ZNF222: variants seen among roughly 807,000 people sequenced by gnomAD.
ZNF222 encodes zinc finger protein 222.
A neutral mutation model predicts 11.6 loss-of-function variants in ZNF222; 8 were observed. The observed-to-expected ratio is 0.69, with a 90% CI of 0.41 to 1.25. The LOEUF is 1.25. ZNF222 is among the 50% of genes most tolerant of loss of function. ZNF222 has a pLI of 0.01. For missense variants in ZNF222, 483 were observed against 576.1 expected (o/e 0.84, Z 1.65); for synonymous variants, 171 against 195.6 (o/e 0.87, Z 1.05).
chr19:44,027,922 C>T (rs1407115559), intron 3 of ZNF222, among the ~76,000 whole-genome samples: 2 of 152,160 alleles, frequency 1.3e-5, no homozygotes, highest in Non-Finnish European at 1.5e-5. Flanking sequence ...TGACATAAAA[C>T]TCAGCAGACT....
At chr19:44,028,267 T>G (rs1328503758) in intron 3 of ZNF222, 5 of 398,756 alleles carry the variant, frequency 1.3e-5, no homozygotes, top group Non-Finnish European at 2.2e-5. Flanking sequence ...CACTTTCTGC[T>G]TAGCTGGCTA....
Position 44,032,208 on chromosome 19 carries a change from T to C in ZNF222, c.654T>C (p.Cys218=). ...MGVKCYKCDV[C]GKEFSQSSRL... is the part of the protein sequence containing the mutation. ...TGAAATGCTATAAGTGTGATGTGTG[T>C]GGTAAGGAATTTAGTCAGAGCTCAC... The change falls in exon 4 of 4, where the codon TGT becomes TGC. Residue 218 remains cysteine (C), a synonymous_variant. Coordinates refer to ENST00000391960, the MANE Select transcript of ZNF222 (RefSeq NM_001129996.2). The C allele has an allele frequency of 6.2e-7, 1 of 1,614,180 alleles. No individual in the cohort carries two copies.
chr19:44,028,339 G>A (rs952941753), intron 3 of ZNF222: 9 of 398,166 alleles, frequency 2.3e-5, no homozygotes, highest in African/African-American at 8.2e-5. Context: ...GTGTTCATAG[G>A]TTCTGAGGAC....
intron 3 of ZNF222, among the ~76,000 whole-genome samples, chr19:44,029,057 G>T (rs536963374): frequency 6.6e-6 from 1 of 152,018 alleles, no homozygotes; most frequent in Non-Finnish European, 1.5e-5. Flanking sequence ...TTCAAGTTTT[G>T]CTTTGTGGAA....
chr19:44,026,610 C>T (rs1806110341), intron 1 of ZNF222, among the ~76,000 whole-genome samples: 1 of 148,864 alleles, frequency 6.7e-6, no homozygotes, highest in Non-Finnish European at 1.5e-5. Flanking sequence ...TGCAGTGGTG[C>T]AATCTTGGCT....
At position 44,032,552 on chromosome 19, in the gene ZNF222, G is replaced by A; in HGVS notation, c.998G>A (p.Gly333Asp). Residue 333 changes from glycine to aspartate, a missense_variant, in exon 4 of 4, where the codon GGT (glycine) becomes GAT (aspartate). By Grantham distance (94) the Gly-to-Asp change is moderately conservative (BLOSUM62 -1). Coordinates refer to ENST00000391960, the MANE Select transcript of ZNF222 (RefSeq NM_001129996.2). ...TACAAATCTGAAAAGTATGGAAGAG[G>A]TTTCATTGATAGGCTAGATTTGCAT... Reference protein sequence around the residue: ...KLYKSEKYGRGFIDRLDLHKH... With the variant: ...KLYKSEKYGRDFIDRLDLHKH... 1.9e-6 allele frequency: 3 copies of A among 1,614,186 alleles called. No homozygotes were observed. Among genetic ancestry groups the A allele is most frequent in the Non-Finnish European group, 2.5e-6 (3 of 1,180,038 alleles).
intron 1 of ZNF222, chr19:44,026,166 G>A (rs1159544326): frequency 1.4e-6 from 2 of 1,418,194 alleles, no homozygotes; most frequent in Non-Finnish European, 2.0e-6. Context: ...CCTCGGGCAT[G>A]GGTGTCGATA....
At chr19:44,028,580 TTG>T (rs1976429479) in intron 3 of ZNF222, among the ~76,000 whole-genome samples, 1 of 152,228 alleles carries the variant, frequency 6.6e-6, no homozygotes, top group Non-Finnish European at 1.5e-5. Flanking sequence ...CCTGCCTGTG[TTG>T]TGTCTCATGT....
Position 44,032,261 on chromosome 19 carries a change from C to A in ZNF222, c.707C>A (p.Thr236Asn). The change falls in exon 4 of 4, where the codon ACT becomes AAT. Residue 236 changes from threonine to asparagine, a missense_variant. Thr to Asn is a moderately conservative substitution (Grantham distance 65). Coordinates refer to ENST00000391960, the MANE Select transcript of ZNF222 (RefSeq NM_001129996.2). Reference protein sequence around the residue: ...SRLQTHQRVHTGEKPFKCEQC... With the variant: ...SRLQTHQRVHNGEKPFKCEQC... ...CTGCAAACTCATCAAAGAGTCCACA[C>A]TGGAGAGAAACCATTCAAATGTGAG... is the stretch of plus-strand genomic sequence containing the variant. 6.2e-7 allele frequency: 1 copy of A among 1,614,202 alleles called. No individual in the cohort carries two copies. Among genetic ancestry groups the A allele is most frequent in the Non-Finnish European group, 8.5e-7 (1 of 1,180,036 alleles).
In ZNF222 at chr19:44,027,000, G is replaced by A. The variant is rs757434680; in HGVS notation, c.43-23G>A. ...AATAGTCTTTGGCCGTAAGATTGAG[G>A]TGACATCTGCTTGATGTTGTAGGAG... On this transcript the variant is annotated intron_variant, in intron 1 of 3. Transcript: ENST00000391960. The A allele has an allele frequency of 2.6e-5, 42 of 1,613,600 alleles. No homozygotes were observed. The South Asian group carries it at 4.5e-4, about 17-fold the overall frequency.
Position 44,032,459 on chromosome 19 carries a change from G to A in ZNF222, c.905G>A (p.Cys302Tyr), listed in dbSNP as rs1357783606. 2 of 1,614,210 alleles carry A rather than the reference G, an allele frequency of 1.2e-6. No homozygotes were observed. The highest frequency in any genetic ancestry group is 1.7e-5 in the Admixed American group (1 of 60,024). Residue 302 changes from cysteine (C) to tyrosine (Y), a missense_variant, in exon 4 of 4, where the codon TGT becomes TAT. By Grantham distance (194) the Cys-to-Tyr change is radical. Transcript: ENST00000391960. ...GAGAAGCCATTCAAATGTGAAATAT[G>A]TGGTAAGAGCTTCTGTCTTAGGTCA... ...TGEKPFKCEI[C>Y]GKSFCLRSSL...
chr19:44,029,796 A>G (rs1328150734), intron 3 of ZNF222, among the ~76,000 whole-genome samples: 1 of 152,218 alleles, frequency 6.6e-6, no homozygotes, highest in Non-Finnish European at 1.5e-5. Flanking sequence ...CATTGGAAAA[A>G]TGTACCTAAT....
At chr19:44,029,409 T>C (rs544600590) in intron 3 of ZNF222, among the ~76,000 whole-genome samples, 64 of 152,206 alleles carry the variant, frequency 4.2e-4, no homozygotes, top group African/African-American at 1.5e-3. Flanking sequence ...TGTGAGAAAT[T>C]CTTTATATCT....
chr19:44,032,165 A>G lies in ZNF222; in HGVS notation c.611A>G (p.Gln204Arg). 1 of 1,614,238 alleles carries G rather than the reference A, an allele frequency of 6.2e-7. No individual in the cohort carries two copies. The highest frequency in any genetic ancestry group is 1.7e-5 in the Admixed American group (1 of 60,030). Residue 204 changes from glutamine (Q) to arginine (R), a missense_variant, in exon 4 of 4, where the codon CAG becomes CGG. Physicochemically the swap from Gln to Arg is conservative, Grantham distance 43 (BLOSUM62 1). Coordinates refer to ENST00000391960, the MANE Select transcript of ZNF222 (RefSeq NM_001129996.2). ...FCYISALHIH[Q>R]RVHMGVKCYK... Reference sequence around the variant, plus strand: ...TACATCTCAGCCCTTCATATTCATCAGAGGGTCCACATGGGAGTGAAATGC... The same window carrying G: ...TACATCTCAGCCCTTCATATTCATCGGAGGGTCCACATGGGAGTGAAATGC...
chr19:44,026,179 G>A (rs1378629255), intron 1 of ZNF222: 33 of 1,283,270 alleles, frequency 2.6e-5, no homozygotes, highest in Non-Finnish European at 3.1e-5. Flanking sequence ...TGTCGATAAT[G>A]ATTAAGCCTT....
rs1269488721 is a variant in ZNF222, at chr19:44,025,521, A to C, written c.42+43A>C. On this transcript the variant is annotated intron_variant, in intron 1 of 3. Transcript: ENST00000391960. The surrounding 1 kb of genome is among the most constrained non-coding windows in gnomAD (Gnocchi z 4.6). ...CGGGGATTGCCGTTCCAGTCAGCTG[A>C]GCCTTCTGGCGTCGGGGGGCTCTGC... The C allele has an allele frequency of 1.3e-6, 2 of 1,526,614 alleles. No homozygotes were observed. Among genetic ancestry groups the C allele is most frequent in the Admixed American group, 2.1e-5 (1 of 46,786 alleles). The allele number at this position is 1,526,614 out of a possible 1,614,324, so 94.6% of individuals were successfully genotyped here.
At chr19:44,026,542 CTA>C (rs540736672) in intron 1 of ZNF222, among the ~76,000 whole-genome samples, 2,297 of 114,876 alleles carry the variant, frequency 0.02, 27 homozygotes, top group Middle Eastern at 0.026. Flanking sequence ...CTCTCTCTCT[CTA>C]TATATATATA....
At chr19:44,029,191 G>GTTTTTTTTTTTTTTTTT (rs1171435860) in intron 3 of ZNF222, among the ~76,000 whole-genome samples, 5 of 62,036 alleles carry the variant, frequency 8.1e-5, no homozygotes, top group South Asian at 5.6e-4. Flanking sequence ...GTTTTGTTTT[G>GTTTTTTTTTTTTTTTTT]TTTTTTTTTT....
At chr19:44,030,871 GAGTATCACCCCCC>G (rs1212670163) in intron 3 of ZNF222, 1 of 152,148 alleles carries the variant, frequency 6.6e-6, no homozygotes, top group African/African-American at 2.4e-5. Flanking sequence ...CTGATGTGAG[GAGTATCACCCCCC>G]ATGCCCCAAA....
Sources: gnomAD v4.1 joint callset for allele counts (sites outside exome capture counted in the v4.1 genomes callset) on GRCh38, gnomAD v4.1.1 for gene constraint, Gnocchi (gnomAD v3.1) non-coding constraint, MANE v1.5 for transcripts, NCBI Gene and HGNC (gene_info 2026-07-23, HGNC 2026-07-21) for gene names.